Variants in GSE1 observed in about 807,000 individuals in gnomAD.
GSE1 encodes the protein Gse1 coiled-coil protein.
Under a neutral mutation model 112.6 loss-of-function variants are expected in GSE1, and 32 were observed. The ratio of observed to expected loss-of-function variants is 0.28; its 90% CI spans 0.21 to 0.38. The LOEUF (loss-of-function observed/expected upper bound fraction) is 0.38, where lower values mean the gene tolerates loss of function less well. Ranked by LOEUF, GSE1 falls within the 10% of genes least tolerant of loss-of-function variation. GSE1 has a pLI of 1.00. For synonymous variants in GSE1, 1,115 were observed against 735.6 expected, an observed-to-expected ratio of 1.52 and a Z score of -8.35; for missense variants, 2,348 against 1,699.2, an observed-to-expected ratio of 1.38 and a Z score of -6.71.
At chr16:85,258,171 G>A (rs558235858) in intron 1 of GSE1, among the ~76,000 whole-genome samples, 8 of 152,306 alleles carry the variant, frequency 5.3e-5, no homozygotes, top group African/African-American at 1.7e-4. Context: ...GCCTCCTCAC[G>A]CATCTTCAGA....
chr16:85,660,154 C>G (rs113105160), intron 8 of GSE1, among the ~76,000 whole-genome samples: 4,461 of 152,290 alleles, frequency 0.029, 212 homozygotes, highest in African/African-American at 0.099. Context: ...GGGCCACAGC[C>G]CAGTATATAG....
chr16:85,346,481 T>G (rs1352072678), intron 1 of GSE1, among the ~76,000 whole-genome samples: 1 of 144,088 alleles, frequency 6.9e-6, no homozygotes, highest in Non-Finnish European at 1.5e-5. Flanking sequence ...GATGGATGGA[T>G]GGATGATGGA....
At chr16:85,549,914 G>GT (rs1383478082) in intron 2 of GSE1, among the ~76,000 whole-genome samples, 1 of 152,158 alleles carries the variant, frequency 6.6e-6, no homozygotes, top group Non-Finnish European at 1.5e-5. Flanking sequence ...GGGGCAGGTC[G>GT]TAAGTAAGAT....
chr16:85,646,011 CT>C (rs2050830008), intron 2 of GSE1, among the ~76,000 whole-genome samples: 4 of 151,012 alleles, frequency 2.6e-5, no homozygotes, highest in African/African-American at 7.4e-5. Flanking sequence ...ATTCTACCTG[CT>C]TCTCCCACGC....
chr16:85,661,110 T>C (rs780217758), intron 8 of GSE1, 36 bp from the exon 9 acceptor site: 9 of 1,528,974 alleles, frequency 5.9e-6, no homozygotes, highest in Admixed American at 4.1e-5. Context: ...TGAAGGGTCT[T>C]TTCTCCCTGA....
intron 11 of GSE1, among the ~76,000 whole-genome samples, 167 bp downstream of exon 11, chr16:85,663,781 C>T (rs1410525309): frequency 6.6e-6 from 1 of 152,230 alleles, no homozygotes; most frequent in African/African-American, 2.4e-5. Context: ...TTCTTACAAG[C>T]CCTCCATAGC....
intron 2 of GSE1, among the ~76,000 whole-genome samples, chr16:85,384,856 C>G (rs1014710484): frequency 6.6e-6 from 1 of 152,170 alleles, no homozygotes; most frequent in East Asian, 1.9e-4. Context: ...CAGGCCTGTC[C>G]GAGTCTTGCT....
At chr16:85,306,559 A>G (rs1435416030) in intron 1 of GSE1, among the ~76,000 whole-genome samples, 1 of 152,098 alleles carries the variant, frequency 6.6e-6, no homozygotes, top group Non-Finnish European at 1.5e-5. Context: ...TTTTTTAAAA[A>G]TTGTTTTAGA....
intron 2 of GSE1, among the ~76,000 whole-genome samples, chr16:85,379,198 G>T (rs151261492): frequency 6.6e-6 from 1 of 152,072 alleles, no homozygotes; most frequent in Non-Finnish European, 1.5e-5. Flanking sequence ...CACCCTCCTC[G>T]CTGGGCCTCC....
At chr16:85,499,891 T>C (rs1024402566) in intron 2 of GSE1, among the ~76,000 whole-genome samples, 8 of 152,124 alleles carry the variant, frequency 5.3e-5, no homozygotes, top group African/African-American at 1.7e-4. Context: ...AAAAACCTTT[T>C]TGGAAAAGCA....
chr16:85,502,166 C>G (rs1166294251), intron 2 of GSE1, among the ~76,000 whole-genome samples: 32 of 152,248 alleles, frequency 2.1e-4, no homozygotes, highest in Non-Finnish European at 1.5e-5. Flanking sequence ...GATGGAACTG[C>G]CCAGCTGAGC....
Position 85,470,478 on chromosome 16 carries a change from C to T in GSE1, c.2464+112835C>T, listed in dbSNP as rs78333274. 7.9e-3 allele frequency among the ~76,000 whole-genome samples: 1,207 copies of T among 152,322 alleles called. 15 individuals are homozygous for T. The highest frequency in any genetic ancestry group is 0.027 in the African/African-American group (1,139 of 41,554). ...GGCCCCTTGGGGTCCCCTTCATGCC[C>T]GGCCACTGCACCTGGGATGCTCTAT... is the stretch of plus-strand genomic sequence containing the variant. On this transcript the variant is annotated intron_variant, in intron 2 of 2. Transcript: ENST00000637419.
rs59687856 is a variant in GSE1, at chr16:85,478,839, TTTTCTTTCTTTCTTTCTTTCTTTCTTTC to T, written c.2464+121258_2464+121285del. 9.7e-3 allele frequency among the ~76,000 whole-genome samples: 998 copies of T among 102,756 alleles called. 36 individuals are homozygous for T. The highest frequency in any genetic ancestry group is 0.037 in the East Asian group (107 of 2,918). 67.4% of individuals were successfully genotyped at this position (102,756 alleles called of 152,430 possible). A position where few individuals can be genotyped will look rare whatever the true frequency, so the allele number is the denominator to read the frequency against. On this transcript the variant is annotated intron_variant, in intron 2 of 2. Transcript: ENST00000637419. ...TGCACCACCATGCCCCGCTCATTTA[TTTTCTTTCTTTCTTTCTTTCTTTCTTTC>T]TTTCTTTCTTTCTTTCTTTCTTTCT...
chr16:85,550,350 G>A (rs1195113215), intron 2 of GSE1, among the ~76,000 whole-genome samples: 2 of 152,180 alleles, frequency 1.3e-5, no homozygotes, highest in African/African-American at 4.8e-5. Context: ...AACTCATGGT[G>A]ACCTTGAACC....
chr16:85,299,404 C>T (rs1320291839), intron 1 of GSE1, among the ~76,000 whole-genome samples: 1 of 152,206 alleles, frequency 6.6e-6, no homozygotes, highest in East Asian at 1.9e-4. Flanking sequence ...TCCTCTCCAA[C>T]CCCCCTGCCA....
At chr16:85,469,816 G>C (rs530986447) in intron 2 of GSE1, among the ~76,000 whole-genome samples, 4 of 152,368 alleles carry the variant, frequency 2.6e-5, no homozygotes, top group South Asian at 2.1e-4. Flanking sequence ...TTCCCCAGCA[G>C]CTGCTGAAGC....
At chr16:85,418,567 C>G (rs2048755722) in intron 2 of GSE1, among the ~76,000 whole-genome samples, 1 of 152,246 alleles carries the variant, frequency 6.6e-6, no homozygotes, top group African/African-American at 2.4e-5. Flanking sequence ...CTTCCTGCCC[C>G]TCCCAGGAGC....
At chr16:85,543,579 A>G (rs2044598187) in intron 2 of GSE1, among the ~76,000 whole-genome samples, 1 of 152,138 alleles carries the variant, frequency 6.6e-6, no homozygotes, top group South Asian at 2.1e-4. Context: ...TCACAAGCTT[A>G]TCCCTGTCTT....
intron 1 of GSE1, among the ~76,000 whole-genome samples, chr16:85,194,601 C>G (rs557848638): frequency 6.6e-6 from 1 of 152,034 alleles, no homozygotes; most frequent in African/African-American, 2.4e-5. Flanking sequence ...ACTAATGACT[C>G]GAGTGTTGGG....
Sources: gnomAD v4.1 joint callset for allele counts (sites outside exome capture counted in the v4.1 genomes callset) on GRCh38, gnomAD v4.1.1 for gene constraint, MANE v1.5 for transcripts, NCBI Gene and HGNC (gene_info 2026-07-23, HGNC 2026-07-21) for gene names.